The following TAFA2 variants were observed in gnomAD, a reference collection of about 807,000 sequenced individuals.
The protein encoded by TAFA2 is TAFA chemokine like family member 2.
A neutral mutation model predicts 18.8 loss-of-function variants in TAFA2; 7 were observed. The observed-to-expected ratio is 0.37, with a 90% CI of 0.21 to 0.70. The LOEUF (loss-of-function observed/expected upper bound fraction) is 0.70, where lower values mean the gene tolerates loss of function less well. Among genes scored for constraint, TAFA2 ranks in the 30% least tolerant of loss-of-function variants. The probability of loss-of-function intolerance (pLI) is 0.53; values close to 1 mark genes in which losing one functional copy is unlikely to be tolerated. For synonymous variants in TAFA2, 60 were observed against 54.2 expected, an observed-to-expected ratio of 1.11 and a Z score of -0.47; for missense variants, 122 against 158.1, an observed-to-expected ratio of 0.77 and a Z score of 1.23.
At chr12:61,889,203 C>G (rs985097747) in intron 1 of TAFA2, among the ~76,000 whole-genome samples, 1 of 152,190 alleles carries the variant, frequency 6.6e-6, no homozygotes, top group Non-Finnish European at 1.5e-5. Context: ...TATGTACTTT[C>G]TGTTGTCTCA....
At chr12:62,190,674 G>A (rs1173500655) in intron 1 of TAFA2, among the ~76,000 whole-genome samples, 4 of 152,108 alleles carry the variant, frequency 2.6e-5, no homozygotes, top group African/African-American at 9.7e-5. Flanking sequence ...ATGAGGCTCC[G>A]GAAATTATCA....
chr12:62,209,991 G>C (rs955136851), intron 1 of TAFA2, among the ~76,000 whole-genome samples: 1 of 152,222 alleles, frequency 6.6e-6, no homozygotes, highest in Non-Finnish European at 1.5e-5. Context: ...ACGAGGTCAG[G>C]AAATCGAGAC....
At chr12:61,891,694 A>G (rs372215447) in intron 1 of TAFA2, among the ~76,000 whole-genome samples, 5 of 151,862 alleles carry the variant, frequency 3.3e-5, no homozygotes, top group African/African-American at 1.2e-4. Flanking sequence ...GGAGGAGGAG[A>G]AGGAGGAGGG....
intron 1 of TAFA2, among the ~76,000 whole-genome samples, chr12:62,220,931 C>A (rs2062757764): frequency 6.6e-6 from 1 of 151,756 alleles, no homozygotes; most frequent in South Asian, 2.1e-4. Flanking sequence ...CACGGTGAAA[C>A]CCCATCTCTA....
intron 4 of TAFA2, among the ~76,000 whole-genome samples, chr12:61,731,009 T>G (rs184821919): frequency 6.6e-6 from 1 of 152,272 alleles, no homozygotes; most frequent in African/African-American, 2.4e-5. Context: ...CTCCTTCCCC[T>G]TGTGGCCCTT....
intron 1 of TAFA2, among the ~76,000 whole-genome samples, chr12:62,228,761 T>C (rs2136982739): frequency 6.6e-6 from 1 of 152,260 alleles, no homozygotes; most frequent in East Asian, 1.9e-4. Context: ...AAGAATGTCA[T>C]TGGTATTTTG....
intron 1 of TAFA2, chr12:62,207,364 G>A (rs1448190447): frequency 1.3e-5 from 2 of 151,960 alleles, no homozygotes; most frequent in East Asian, 3.9e-4. Flanking sequence ...CCTCAATACT[G>A]CTGATCCTAA....
chr12:61,966,762 T>C (rs1246069838), intron 1 of TAFA2, among the ~76,000 whole-genome samples: 3 of 151,900 alleles, frequency 2.0e-5, no homozygotes, highest in African/African-American at 7.2e-5. Context: ...CTCAAGGAGA[T>C]TGAGTGTTTT....
intron 4 of TAFA2, among the ~76,000 whole-genome samples, chr12:61,732,563 G>T (rs1868247634): frequency 2.0e-5 from 3 of 151,966 alleles, no homozygotes; most frequent in Admixed American, 2.0e-4. Flanking sequence ...AGGTTGGATG[G>T]GCATGAGAGA....
intron 2 of TAFA2, among the ~76,000 whole-genome samples, chr12:61,806,769 T>C (rs543816761): frequency 3.1e-4 from 47 of 152,276 alleles, no homozygotes; most frequent in African/African-American, 1.1e-3. Context: ...AGGTGATGCT[T>C]GTTATGTTTT....
chr12:62,025,731 C>CA (rs1404970438), intron 1 of TAFA2, among the ~76,000 whole-genome samples: 1 of 151,992 alleles, frequency 6.6e-6, no homozygotes, highest in African/African-American at 2.4e-5. Flanking sequence ...ATTTTAAAGG[C>CA]ATCTAATAAT....
chr12:62,036,259 C>A (rs1249144399), intron 1 of TAFA2, among the ~76,000 whole-genome samples: 3 of 152,072 alleles, frequency 2.0e-5, no homozygotes, highest in Non-Finnish European at 4.4e-5. Flanking sequence ...TAAATTTGAC[C>A]TTTATTCTGC....
chr12:61,927,768 A>G (rs970261419), intron 1 of TAFA2, among the ~76,000 whole-genome samples: 1 of 152,236 alleles, frequency 6.6e-6, no homozygotes, highest in Non-Finnish European at 1.5e-5. Context: ...CTATTCTACA[A>G]GGCTACAGTA....
chr12:62,148,454 A>C (rs2062303455), intron 1 of TAFA2, among the ~76,000 whole-genome samples: 1 of 152,332 alleles, frequency 6.6e-6, no homozygotes, highest in East Asian at 1.9e-4. Context: ...CAGAAAACCA[A>C]ATACCACATG....
At chr12:61,718,770 T>C (rs1032762273) in intron 4 of TAFA2, among the ~76,000 whole-genome samples, 1 of 152,160 alleles carries the variant, frequency 6.6e-6, no homozygotes, top group Non-Finnish European at 1.5e-5. Context: ...TGTAGAAGAG[T>C]AATTTGAATT....
At chr12:62,098,543 T>G (rs958531181) in intron 1 of TAFA2, among the ~76,000 whole-genome samples, 2 of 152,144 alleles carry the variant, frequency 1.3e-5, no homozygotes, top group Admixed American at 6.6e-5. Flanking sequence ...ACAGACAGAT[T>G]TCTGCCATCA....
chr12:61,979,672 A>G (rs1879561599), intron 1 of TAFA2, among the ~76,000 whole-genome samples: 1 of 152,084 alleles, frequency 6.6e-6, no homozygotes, highest in Non-Finnish European at 1.5e-5. Context: ...AAGAAAAGAA[A>G]TGAAAAGAGA....
intron 2 of TAFA2, among the ~76,000 whole-genome samples, chr12:61,773,395 C>T (rs534830173): frequency 6.6e-6 from 1 of 151,918 alleles, no homozygotes; most frequent in East Asian, 1.9e-4. Flanking sequence ...GCCCACACAG[C>T]CAAAGCAAGA....
intron 1 of TAFA2, among the ~76,000 whole-genome samples, chr12:62,116,544 C>G (rs983323506): frequency 6.8e-6 from 1 of 147,502 alleles, no homozygotes; most frequent in Non-Finnish European, 1.5e-5. Flanking sequence ...AAGAAGGAAG[C>G]CTTTAGTCCT....
Sources: gnomAD v4.1 joint callset for allele counts (sites outside exome capture counted in the v4.1 genomes callset) on GRCh38, gnomAD v4.1.1 for gene constraint, MANE v1.5 for transcripts, NCBI Gene and HGNC (gene_info 2026-07-23, HGNC 2026-07-21) for gene names.